CTBP2: variants seen among roughly 807,000 people sequenced by gnomAD.
CTBP2 encodes the protein C-terminal-binding protein 2.
Under a neutral mutation model 80.3 loss-of-function variants are expected in CTBP2, and 30 were observed. That is an observed-to-expected ratio of 0.37 (90% CI 0.28 to 0.51). The LOEUF (loss-of-function observed/expected upper bound fraction) is 0.51. CTBP2 is among the 20% of genes least tolerant of loss of function. CTBP2 has a pLI of 0.93. For missense variants in CTBP2, 1,212 were observed against 1,375.3 expected (o/e 0.88, Z 1.88); for synonymous variants, 594 against 587.4 (o/e 1.01, Z -0.16).
Position 125,026,257 on chromosome 10 carries a change from C to T in CTBP2, c.1503G>A (p.Pro501=), listed in dbSNP as rs370027803. ...GGGGGCTGCCGTGAGGGCTGGGCAG[C>T]GGAGAGGCGGCCACGTTGCGCTCCC... The change falls in exon 1 of 9, where the codon CCG becomes CCA. Residue 501 remains proline (P), a synonymous_variant. Transcript: ENST00000309035. 35 of 1,613,682 alleles carry T rather than the reference C, an allele frequency of 2.2e-5. No homozygotes were observed. The highest frequency in any genetic ancestry group is 5.0e-5 in the Admixed American group (3 of 59,990).
At chr10:125,073,611 C>T (rs1191274130) in intron 2 of CTBP2, among the ~76,000 whole-genome samples, 1 of 152,122 alleles carries the variant, frequency 6.6e-6, no homozygotes, top group Admixed American at 6.6e-5. Flanking sequence ...AATTGGAAAC[C>T]GATTTGTACG....
rs75472655 is a variant in CTBP2, at chr10:125,112,128, T to G, written c.-205-1035A>C. ...TTGACTTTTTTTTTTTTTTTTTTTTTGGGAGAAAGAGTCTCACTCTGTCAC... is the reference window on the plus strand; with the variant it reads ...TTGACTTTTTTTTTTTTTTTTTTTTGGGGAGAAAGAGTCTCACTCTGTCAC... On this transcript the variant is annotated intron_variant, in intron 1 of 10. Coordinates refer to the CTBP2 transcript ENST00000337195. Among the ~76,000 whole-genome samples, 976 of 140,490 alleles carry G rather than the reference T, an allele frequency of 6.9e-3. 4 individuals carry two copies. Among genetic ancestry groups the G allele is most frequent in the African/African-American group, 0.025 (890 of 36,232 alleles). The allele number at this position is 140,490 out of a possible 152,430, so 92.2% of individuals were successfully genotyped here. A position where few individuals can be genotyped will look rare whatever the true frequency, so the allele number is the denominator to read the frequency against.
At chr10:125,146,006 C>T (rs1323438960) in intron 1 of CTBP2, among the ~76,000 whole-genome samples, 2 of 152,020 alleles carry the variant, frequency 1.3e-5, no homozygotes, top group Admixed American at 6.5e-5. Flanking sequence ...TCACTGCAAC[C>T]TCTGCCTCCC....
At chr10:125,129,572 C>T (rs1434575469) in intron 1 of CTBP2, among the ~76,000 whole-genome samples, 2 of 152,096 alleles carry the variant, frequency 1.3e-5, no homozygotes, top group African/African-American at 4.8e-5. Context: ...TGTGTCCTGC[C>T]GAACCCGGGG....
chr10:125,081,799 C>CA (rs1847211745), intron 2 of CTBP2, among the ~76,000 whole-genome samples: 2 of 151,954 alleles, frequency 1.3e-5, no homozygotes, highest in Admixed American at 6.6e-5. Flanking sequence ...GGTAAACTAC[C>CA]AAAAATAAAG....
intron 1 of CTBP2, among the ~76,000 whole-genome samples, chr10:125,010,219 TAA>T (rs59517853): frequency 0.01 from 1,086 of 105,974 alleles, 21 homozygotes; most frequent in African/African-American, 0.035. Flanking sequence ...ATTTTAAGGT[TAA>T]AAAAAAAAAA....
chr10:125,134,667 G>A (rs1423370500), intron 1 of CTBP2, among the ~76,000 whole-genome samples: 8 of 152,192 alleles, frequency 5.3e-5, no homozygotes, highest in South Asian at 2.1e-4. Context: ...GACACGCGGC[G>A]CGGGAGGACG....
chr10:125,070,822 C>T (rs563012467), intron 2 of CTBP2, among the ~76,000 whole-genome samples: 3 of 130,500 alleles, frequency 2.3e-5, no homozygotes, highest in Admixed American at 1.6e-4. Context: ...TCTGCCGCCA[C>T]GCCCGGCTAA....
chr10:125,027,180 G>A lies in CTBP2; in HGVS notation c.580C>T (p.Pro194Ser), dbSNP rs985007488. ...ACCTCCGCCCCATACCTGGTGTCGG[G>A]CTGCTCCCGTCCATACCGCCCGGGA... Residue 194 changes from proline (P) to serine (S), a missense_variant, in exon 1 of 9, where the codon CCC (proline) becomes TCC (serine). Physicochemically the swap from Pro to Ser is moderately conservative, Grantham distance 74. Around this residue, in one of 3 missense-constraint regions of CTBP2, gnomAD observed 848 missense variants for 782.3 expected, o/e 1.08. Transcript: ENST00000309035. The A allele has an allele frequency of 1.9e-6, 3 of 1,606,320 alleles. No individual in the cohort carries two copies. The African/African-American group carries it at 4.0e-5, about 21-fold the overall frequency.
chr10:125,162,374 C>G (rs987736237), upstream of CTBP2: 5 of 152,276 alleles, frequency 3.3e-5, no homozygotes, highest in Non-Finnish European at 7.3e-5. Context: ...CTGCACGACC[C>G]TTTTCTGCAT....
rs532289112 is a variant in CTBP2, at chr10:125,104,193, C to T, written c.-102+6797G>A. Among the ~76,000 whole-genome samples, 12 of 152,278 alleles carry T rather than the reference C, an allele frequency of 7.9e-5. 1 individual carries two copies. The South Asian group carries it at 1.0e-3, about 13-fold the overall frequency. On this transcript the variant is annotated intron_variant, in intron 2 of 10. Transcript: ENST00000337195. ...TGCTCACGGGGACATTCGATCCCAG[C>T]GGCCTGGAGAAAGGACGGAACAGGA...
At chr10:125,049,075 A>G (rs960122537) in intron 2 of CTBP2, among the ~76,000 whole-genome samples, 4 of 125,616 alleles carry the variant, frequency 3.2e-5, no homozygotes, top group Non-Finnish European at 7.0e-5. Flanking sequence ...ACACACACAC[A>G]CACACACACA....
intron 2 of CTBP2, among the ~76,000 whole-genome samples, chr10:125,048,968 C>A (rs1028274748): frequency 9.9e-5 from 15 of 151,640 alleles, no homozygotes; most frequent in African/African-American, 3.4e-4. Context: ...GAGATTTTTC[C>A]AACTTTCCCC....
intron 1 of CTBP2, among the ~76,000 whole-genome samples, chr10:125,121,026 T>A (rs1342466421): frequency 6.6e-6 from 1 of 152,244 alleles, no homozygotes; most frequent in Non-Finnish European, 1.5e-5. Context: ...ATGGGCTGCC[T>A]GTTCTGTAAC....
At chr10:125,048,447 A>C (rs1342820455) in intron 2 of CTBP2, among the ~76,000 whole-genome samples, 1 of 152,208 alleles carries the variant, frequency 6.6e-6, no homozygotes, top group African/African-American at 2.4e-5. Flanking sequence ...AAGAGGCAGA[A>C]GGTCTCACCG....
At chr10:125,033,606 GGCTGCTGTCT>G (rs1170961367) in intron 3 of CTBP2, among the ~76,000 whole-genome samples, 2 of 152,184 alleles carry the variant, frequency 1.3e-5, no homozygotes, top group African/African-American at 4.8e-5. Context: ...CATTCGTGCG[GGCTGCTGTCT>G]GCTGCTGTCT....
chr10:125,004,664 C>A (rs1107957), intron 1 of CTBP2, among the ~76,000 whole-genome samples: 1 of 152,108 alleles, frequency 6.6e-6, no homozygotes, highest in Non-Finnish European at 1.5e-5. Flanking sequence ...GGCTCATCAA[C>A]TTTTCAGATA....
chr10:125,135,209 A>T (rs1856807752), intron 1 of CTBP2, among the ~76,000 whole-genome samples: 1 of 152,062 alleles, frequency 6.6e-6, no homozygotes. Flanking sequence ...AACCACCAGG[A>T]AGGAAGCCAA....
chr10:125,161,555 C>T (rs1441336485), upstream of CTBP2, among the ~76,000 whole-genome samples: 1 of 152,028 alleles, frequency 6.6e-6, no homozygotes, highest in Non-Finnish European at 1.5e-5. Context: ...CGGGGTCAGG[C>T]GCGGGCCGGC....
Sources: allele counts gnomAD v4.1 joint callset (sites outside exome capture counted in the v4.1 genomes callset), GRCh38; gene constraint gnomAD v4.1.1; regional missense constraint gnomAD v4.1.1; transcripts MANE v1.5; gene names NCBI Gene and HGNC (gene_info 2026-07-23, HGNC 2026-07-21).